Variants in IFNAR2 observed in about 807,000 individuals in gnomAD.
The protein encoded by IFNAR2 is interferon alpha and beta receptor subunit 2.
A neutral mutation model predicts 49.4 loss-of-function variants in IFNAR2; 30 were observed. That is an observed-to-expected ratio of 0.61 (90% CI 0.45 to 0.82). The LOEUF (loss-of-function observed/expected upper bound fraction) is 0.82, where lower values mean the gene tolerates loss of function less well. IFNAR2 is among the 40% of genes least tolerant of loss of function. The pLI is 0.00. For synonymous variants in IFNAR2, 224 were observed against 234.5 expected (o/e 0.96, Z 0.41); for missense variants, 600 against 622.7 (o/e 0.96, Z 0.39).
chr21:33,248,620 A>G lies in IFNAR2; in HGVS notation c.395-89A>G, dbSNP rs17860214. On this transcript the variant is annotated intron_variant, in intron 5 of 8. Transcript: ENST00000342136. ...TAAATCAGGACTTGGCAGATTTTCT[A>G]TACAGGGCCAGAGAAGAACCACTTT... 1,770 of 1,264,368 alleles carry G rather than the reference A, an allele frequency of 1.4e-3. 32 individuals carry two copies. The African/African-American group carries it at 0.025, about 18-fold the overall frequency. 78.3% of individuals were successfully genotyped at this position (1,264,368 alleles called of 1,614,324 possible).
chr21:33,239,795 G>T (rs1483542238), intron 1 of IFNAR2, among the ~76,000 whole-genome samples: 7 of 147,280 alleles, frequency 4.8e-5, no homozygotes, highest in Non-Finnish European at 1.5e-5. Flanking sequence ...TGAGCTACAG[G>T]TTCTATATTC....
intron 2 of IFNAR2, among the ~76,000 whole-genome samples, 178 bp from the exon 3 acceptor site, chr21:33,243,495 A>G (rs761480411): frequency 2.0e-5 from 3 of 152,174 alleles, no homozygotes; most frequent in Non-Finnish European, 4.4e-5. Flanking sequence ...TCCTTGCACC[A>G]TGTGCTGCTG....
At position 33,248,728 on chromosome 21, in the gene IFNAR2, G is replaced by A. The variant is rs778037937; in HGVS notation, c.414G>A (p.Glu138=). 1.6e-5 allele frequency: 26 copies of A among 1,608,780 alleles called. No individual in the cohort carries two copies. In the South Asian group the frequency reaches 2.8e-4, roughly 17 times the overall value. ...GCACAGTGTCTTTTGAACCACCAGA[G>A]TTTGAGATTGTTGGTTTTACCAACC... ...LAIDMSFEPP[E]FEIVGFTNHI... Residue 138 remains glutamate (E), a synonymous_variant, in exon 6 of 9, where the codon GAG becomes GAA. Transcript: ENST00000342136.
intron 2 of IFNAR2, among the ~76,000 whole-genome samples, chr21:33,242,773 G>A (rs1390200533): frequency 4.5e-4 from 7 of 15,608 alleles, no homozygotes; most frequent in Non-Finnish European, 8.9e-4. Context: ...GTGTGTGTGT[G>A]TGTGTGTGTG....
rs1987628623 is a variant in IFNAR2, at chr21:33,248,738, G to A, written c.424G>A (p.Val142Ile). ...MSFEPPEFEI[V>I]GFTNHINVMV... ...TTTTGAACCACCAGAGTTTGAGATTGTTGGTTTTACCAACCACATTAATGT... is the reference window on the plus strand; with the variant it reads ...TTTTGAACCACCAGAGTTTGAGATTATTGGTTTTACCAACCACATTAATGT... Residue 142 changes from valine (V) to isoleucine (I), a missense_variant, in exon 6 of 9, where the codon GTT becomes ATT. Physicochemically the swap from Val to Ile is conservative, Grantham distance 29 (BLOSUM62 3). Coordinates refer to ENST00000342136, the MANE Select transcript of IFNAR2 (RefSeq NM_001289125.3). The A allele has an allele frequency of 2.5e-6, 4 of 1,609,710 alleles. No homozygotes were observed. The African/African-American group carries it at 4.0e-5, about 16-fold the overall frequency.
intron 1 of IFNAR2, chr21:33,231,718 C>T (rs374699525): frequency 1.0e-6 from 1 of 982,014 alleles, no homozygotes; most frequent in Non-Finnish European, 1.2e-6. Flanking sequence ...TATCAATCAT[C>T]ATGTTTTGTT....
In IFNAR2 at chr21:33,229,976, C is replaced by G. The variant is rs1386057721; in HGVS notation, c.-324C>G. The G allele has an allele frequency of 1.0e-6, 1 of 984,316 alleles. No homozygotes were observed. The highest frequency in any genetic ancestry group is 1.2e-6 in the Non-Finnish European group (1 of 829,666). The allele number at this position is 984,316 out of a possible 1,614,324, so 61.0% of individuals were successfully genotyped here. On this transcript the variant is annotated 5_prime_UTR_variant, in exon 1 of 9. Coordinates refer to ENST00000342136, the MANE Select transcript of IFNAR2 (RefSeq NM_001289125.3). ...TAGGCCGGGGCTCGGCGCGCGCACC[C>G]GCACTAAAGACGCTTCTTCCCGGCG...
At position 33,263,029 on chromosome 21, in the gene IFNAR2, G is replaced by A; in HGVS notation, c.1077G>A (p.Leu359=). The A allele has an allele frequency of 6.2e-7, 1 of 1,614,172 alleles. No homozygotes were observed. The highest frequency in any genetic ancestry group is 8.5e-7 in the Non-Finnish European group (1 of 1,180,030). The change falls in exon 9 of 9, where the codon TTG becomes TTA. Residue 359 remains leucine (L), a synonymous_variant. Transcript: ENST00000342136. The part of the protein sequence containing the change: ...QASATSTESQ[L]IDPESEEEPD... ...CTGCCACCTCTACAGAATCCCAGTT[G>A]ATAGACCCGGAGTCCGAGGAGGAGC...
rs1246911969 is a variant in IFNAR2, at chr21:33,230,309, C to T, written c.-84+93C>T. 1.9e-5 allele frequency: 19 copies of T among 1,019,870 alleles called. No homozygotes were observed. Among genetic ancestry groups the T allele is most frequent in the Non-Finnish European group, 2.4e-5 (19 of 808,246 alleles). 63.2% of individuals were successfully genotyped at this position (1,019,870 alleles called of 1,614,324 possible). ...TCCCTGCAGCGGTTCCCGGAATCCC[C>T]TCCGGTTCCCTCTCGCTCTCCCCGA... On this transcript the variant is annotated intron_variant, in intron 1 of 8. Coordinates refer to ENST00000342136, the MANE Select transcript of IFNAR2 (RefSeq NM_001289125.3). The surrounding 1 kb of genome is among the most constrained non-coding windows in gnomAD (Gnocchi z 5.5).
chr21:33,231,980 T>G (rs1434483451), intron 1 of IFNAR2, among the ~76,000 whole-genome samples: 1 of 152,200 alleles, frequency 6.6e-6, no homozygotes, highest in Admixed American at 6.5e-5. Flanking sequence ...CCTCAAATGA[T>G]CCACCTGCTT....
chr21:33,249,365 G>C (rs1038994817), intron 6 of IFNAR2, among the ~76,000 whole-genome samples: 3 of 139,386 alleles, frequency 2.2e-5, no homozygotes, highest in Admixed American at 7.3e-5. Context: ...AAAAAAAAAA[G>C]AGTAAGCCAC....
chr21:33,234,183 C>CTGTGTGTGTGTG (rs61686449), intron 1 of IFNAR2, among the ~76,000 whole-genome samples: 1,815 of 140,764 alleles, frequency 0.013, 22 homozygotes, highest in African/African-American at 0.021. Flanking sequence ...AACAGAAACA[C>CTGTGTGTGTGTG]TGTGTGTGTG....
intron 7 of IFNAR2, among the ~76,000 whole-genome samples, chr21:33,258,428 G>C (rs1420884245): frequency 6.6e-6 from 1 of 152,156 alleles, no homozygotes; most frequent in Non-Finnish European, 1.5e-5. Context: ...TCTAGAAGCT[G>C]GGAAAGGCAA....
intron 7 of IFNAR2, among the ~76,000 whole-genome samples, chr21:33,254,998 G>A (rs1461098783): frequency 6.6e-6 from 1 of 152,122 alleles, no homozygotes; most frequent in Non-Finnish European, 1.5e-5. Flanking sequence ...GGCACATAAC[G>A]GTGCTCTGTG....
At chr21:33,246,360 G>A (rs1322785195) in intron 4 of IFNAR2, among the ~76,000 whole-genome samples, 1 of 152,150 alleles carries the variant, frequency 6.6e-6, no homozygotes, top group African/African-American at 2.4e-5. Context: ...GTGAGCCACT[G>A]CACCCGGCTC....
rs1568897976 is a variant in IFNAR2, at chr21:33,263,262, A to G, written c.1310A>G (p.Asp437Gly). 7 of 1,614,056 alleles carry G rather than the reference A, an allele frequency of 4.3e-6. No individual in the cohort carries two copies. In the Admixed American group the frequency reaches 1.0e-4, roughly 23 times the overall value. The change falls in exon 9 of 9, where the codon GAC becomes GGC. Residue 437 changes from aspartate to glycine, a missense_variant. Physicochemically the swap from Asp to Gly is moderately conservative, Grantham distance 94. Transcript: ENST00000342136. The stretch of plus-strand genomic sequence containing the variant: ...TCTGTGTTTTTGAGAGTTCTTGATG[A>G]CGAGGACAGTGACGACTTAGAAGCC... ...LNSVFLRVLD[D>G]EDSDDLEAPL...
At chr21:33,241,481 G>A (rs372904194) in intron 1 of IFNAR2, among the ~76,000 whole-genome samples, 1 of 152,310 alleles carries the variant, frequency 6.6e-6, no homozygotes, top group African/African-American at 2.4e-5. Flanking sequence ...AGTGGAAAAA[G>A]CAGGGTGGAA....
At chr21:33,246,615 T>C in intron 4 of IFNAR2, 103 bp from the exon 5 acceptor site, 1 of 790,276 alleles carries the variant, frequency 1.3e-6, no homozygotes, top group East Asian at 2.7e-5. Context: ...ACAATGATAT[T>C]TGGGCAGAGC....
intron 5 of IFNAR2, 67 bp from the exon 6 acceptor site, chr21:33,248,642 C>T: frequency 6.7e-7 from 1 of 1,484,344 alleles, no homozygotes; most frequent in Non-Finnish European, 9.0e-7. Flanking sequence ...AGAAGAACCA[C>T]TTTAGACTTT....
Sources: gnomAD v4.1 joint callset for allele counts (sites outside exome capture counted in the v4.1 genomes callset) on GRCh38, gnomAD v4.1.1 for gene constraint, Gnocchi (gnomAD v3.1) non-coding constraint, MANE v1.5 for transcripts, NCBI Gene and HGNC (gene_info 2026-07-23, HGNC 2026-07-21) for gene names.